MAP4K4: variants seen among roughly 807,000 people sequenced by gnomAD.
The protein encoded by MAP4K4 is mitogen-activated protein kinase kinase kinase kinase 4, also known as HPK/GCK-like kinase HGK.
In MAP4K4, 38 loss-of-function variants were observed where a neutral mutation model predicts 189.6. The ratio of observed to expected loss-of-function variants is 0.20; its 90% CI spans 0.15 to 0.26. MAP4K4 has a LOEUF of 0.26. Among genes scored for constraint, MAP4K4 ranks in the 10% least tolerant of loss-of-function variants. The pLI is 1.00. For synonymous variants in MAP4K4, 610 were observed against 624.3 expected (o/e 0.98, Z 0.34); for missense variants, 1,054 against 1,726.9 (o/e 0.61, Z 6.91).
At chr2:101,698,373 A>G in intron 1 of MAP4K4, 100 bp from the exon 2 acceptor site, 4 of 1,095,384 alleles carry the variant, frequency 3.7e-6, no homozygotes, top group Non-Finnish European at 5.5e-6. Context: ...GGCGAAGCCC[A>G]CCTCTTTTGT....
intron 16 of MAP4K4, 152 bp downstream of exon 16, chr2:101,861,138 C>T: frequency 1.5e-6 from 1 of 647,108 alleles, no homozygotes; most frequent in Non-Finnish European, 2.6e-6. Flanking sequence ...AAGGCATAGA[C>T]TCAGTTGATA....
At chr2:101,789,537 A>C (rs1168576165) in intron 2 of MAP4K4, among the ~76,000 whole-genome samples, 1 of 152,180 alleles carries the variant, frequency 6.6e-6, no homozygotes, top group Non-Finnish European at 1.5e-5. Context: ...GTTGTAATAC[A>C]GTGTCATTTT....
chr2:101,792,374 G>T (rs116190532), intron 3 of MAP4K4, among the ~76,000 whole-genome samples: 1 of 152,152 alleles, frequency 6.6e-6, no homozygotes, highest in African/African-American at 2.4e-5. Context: ...AACCTGTGCT[G>T]CCTCCCCTGA....
At chr2:101,827,616 G>A (rs2096418669) in intron 5 of MAP4K4, among the ~76,000 whole-genome samples, 1 of 152,144 alleles carries the variant, frequency 6.6e-6, no homozygotes, top group Non-Finnish European at 1.5e-5. Flanking sequence ...AATGGGGAGG[G>A]TCCTGAGCAG....
intron 2 of MAP4K4, among the ~76,000 whole-genome samples, chr2:101,720,672 C>T (rs539550832): frequency 1.3e-4 from 20 of 152,158 alleles, no homozygotes; most frequent in Non-Finnish European, 2.5e-4. Flanking sequence ...TTACTGAGTG[C>T]CCTTTATGAG....
chr2:101,813,120 A>G (rs1046318190), intron 3 of MAP4K4, among the ~76,000 whole-genome samples: 2 of 152,148 alleles, frequency 1.3e-5, no homozygotes, highest in African/African-American at 4.8e-5. Flanking sequence ...TTTCGTCTCA[A>G]AATAAATAAA....
At chr2:101,803,255 G>A (rs4851495) in intron 3 of MAP4K4, among the ~76,000 whole-genome samples, 1 of 132,946 alleles carries the variant, frequency 7.5e-6, no homozygotes, top group South Asian at 2.6e-4. Flanking sequence ...ATGTGTGTGT[G>A]TGTGTGTGTA....
chr2:101,780,338 T>C (rs1030913000), intron 2 of MAP4K4, among the ~76,000 whole-genome samples: 3 of 152,180 alleles, frequency 2.0e-5, no homozygotes, highest in Non-Finnish European at 4.4e-5. Flanking sequence ...GAGTTCAGTT[T>C]GAGTGCTTTA....
chr2:101,868,683 G>A (rs561667050), intron 21 of MAP4K4, among the ~76,000 whole-genome samples: 1 of 152,178 alleles, frequency 6.6e-6, no homozygotes, highest in African/African-American at 2.4e-5. Flanking sequence ...CGTTAGGGAC[G>A]CCCACAGCCT....
chr2:101,765,346 G>A (rs1015041090), intron 2 of MAP4K4, among the ~76,000 whole-genome samples: 1 of 152,184 alleles, frequency 6.6e-6, no homozygotes, highest in African/African-American at 2.4e-5. Context: ...TAGAGATGAA[G>A]TATTTTTTGT....
chr2:101,719,743 G>A (rs868098598), intron 2 of MAP4K4, among the ~76,000 whole-genome samples: 5 of 152,250 alleles, frequency 3.3e-5, no homozygotes, highest in South Asian at 2.1e-4. Flanking sequence ...CAGGCGTGGT[G>A]GCTCACGCCT....
chr2:101,798,118 G>A (rs2148930711), intron 3 of MAP4K4, among the ~76,000 whole-genome samples: 1 of 150,122 alleles, frequency 6.7e-6, no homozygotes, highest in African/African-American at 2.4e-5. Context: ...TTATTGTGTT[G>A]CCCAGGCTGG....
At chr2:101,881,449 G>A (rs1559323527) in intron 27 of MAP4K4, among the ~76,000 whole-genome samples, 1 of 152,112 alleles carries the variant, frequency 6.6e-6, no homozygotes, top group Non-Finnish European at 1.5e-5. Context: ...TTTCTACCTA[G>A]ACAGTCATGT....
chr2:101,829,455 T>G (rs760787135), intron 5 of MAP4K4, 49 bp from the exon 6 acceptor site: 4 of 1,277,802 alleles, frequency 3.1e-6, no homozygotes, highest in Non-Finnish European at 4.5e-6. Context: ...CCTGGCTGTT[T>G]ACTTATAGTC....
chr2:101,843,691 T>G (rs1404022266), intron 11 of MAP4K4, among the ~76,000 whole-genome samples: 1 of 152,104 alleles, frequency 6.6e-6, no homozygotes, highest in African/African-American at 2.4e-5. Flanking sequence ...TGACAGGGCT[T>G]GGTGGTTGAC....
At position 101,840,002 on chromosome 2, in the gene MAP4K4, G is replaced by A. The variant is rs2096867846; in HGVS notation, c.949+8G>A. The A allele has an allele frequency of 7.6e-6, 12 of 1,579,296 alleles. No individual in the cohort carries two copies. The South Asian group carries it at 8.2e-5, about 11-fold the overall frequency. The stretch of plus-strand genomic sequence containing the variant: ...AGAAGAGAGGCGAGAAAGGTACTAA[G>A]CCTGTTTTTGTTTTCATCCTTTAAA... On this transcript the variant is annotated splice_region_variant and intron_variant, in intron 10 of 32. Transcript: ENST00000324219.
chr2:101,870,451 TCTC>T (rs780603498), intron 23 of MAP4K4, 36 bp downstream of exon 23: 1 of 1,610,030 alleles, frequency 6.2e-7, no homozygotes, highest in South Asian at 1.1e-5. Context: ...AGGCTGAGCT[TCTC>T]CTGTGGTCAT....
At chr2:101,808,832 A>G (rs1283202921) in intron 3 of MAP4K4, among the ~76,000 whole-genome samples, 1 of 151,708 alleles carries the variant, frequency 6.6e-6, no homozygotes, top group Non-Finnish European at 1.5e-5. Context: ...TTATTTTTTA[A>G]ATGATGGAAA....
intron 3 of MAP4K4, among the ~76,000 whole-genome samples, chr2:101,819,912 C>T (rs1438185430): frequency 6.6e-6 from 1 of 152,182 alleles, no homozygotes; most frequent in Non-Finnish European, 1.5e-5. Flanking sequence ...ACTTCAGATT[C>T]AGTGAAATAC....
Sources: allele counts gnomAD v4.1 joint callset (sites outside exome capture counted in the v4.1 genomes callset), GRCh38; gene constraint gnomAD v4.1.1; transcripts MANE v1.5; gene names NCBI Gene and HGNC (gene_info 2026-07-23, HGNC 2026-07-21).